RAP1B: variants seen among roughly 807,000 people sequenced by gnomAD.
RAP1B encodes the protein RAP1B, member of RAS oncogene family, also known as ras-related protein Rap-1b.
RAP1B carries 1 observed loss-of-function variant against 27.5 expected under a neutral mutation model. The ratio of observed to expected loss-of-function variants is 0.04; its 90% CI spans 0.01 to 0.17. The LOEUF (loss-of-function observed/expected upper bound fraction) is 0.17. RAP1B is among the 10% of genes least tolerant of loss of function. The pLI is 1.00. For synonymous variants in RAP1B, 75 were observed against 73.1 expected, an observed-to-expected ratio of 1.03 and a Z score of -0.13; for missense variants, 84 against 214.8, an observed-to-expected ratio of 0.39 and a Z score of 3.81.
chr12:68,630,319 G>A (rs1872141864), intron 1 of RAP1B, among the ~76,000 whole-genome samples: 1 of 152,130 alleles, frequency 6.6e-6, no homozygotes, highest in Admixed American at 6.5e-5. Context: ...TGCTATTGTA[G>A]CCTGAAGCCA....
At chr12:68,650,610 C>A in intron 3 of RAP1B, 142 bp downstream of exon 3, 2 of 755,750 alleles carry the variant, frequency 2.6e-6, no homozygotes, top group Non-Finnish European at 3.8e-6. Context: ...CACTTTCTGG[C>A]ATTGCATAGT....
In RAP1B at chr12:68,610,911, C is replaced by G. The variant is rs1469691647; in HGVS notation, c.-159C>G. 3.3e-6 allele frequency: 1 copy of G among 302,228 alleles called. No homozygotes were observed. The highest frequency in any genetic ancestry group is 6.1e-6 in the Non-Finnish European group (1 of 163,368). 18.7% of individuals were successfully genotyped at this position (302,228 alleles called of 1,614,324 possible). A position where few individuals can be genotyped will look rare whatever the true frequency, so the allele number is the denominator to read the frequency against. On this transcript the variant is annotated 5_prime_UTR_variant, in exon 1 of 8. Transcript: ENST00000250559. Reference sequence around the variant, plus strand: ...CTGACGTCAAGGCGACATCGCCAAACCTCGCCCAGATTCAGGCGTGTAAAC... The same window carrying G: ...CTGACGTCAAGGCGACATCGCCAAAGCTCGCCCAGATTCAGGCGTGTAAAC...
chr12:68,647,257 G>A (rs1421142742), intron 1 of RAP1B, among the ~76,000 whole-genome samples: 2 of 151,720 alleles, frequency 1.3e-5, no homozygotes, highest in African/African-American at 2.4e-5. Context: ...TTTTGAAGCC[G>A]GGTGTGGTGG....
chr12:68,663,994 A>G lies in RAP1B; in HGVS notation c.*4745A>G, dbSNP rs1436452236. 6.6e-6 allele frequency: 1 copy of G among 152,132 alleles called. No individual in the cohort carries two copies. The highest frequency in any genetic ancestry group is 2.4e-5 in the African/African-American group (1 of 41,428). The allele number at this position is 152,132 out of a possible 1,614,324, so 9.4% of individuals were successfully genotyped here. On this transcript the variant is annotated 3_prime_UTR_variant, in exon 8 of 8. Transcript: ENST00000250559. ...AAATTTTTTTATTCATAGGTAATCT[A>G]ATTTTTCTCATTTCTCCAAAAGGGT...
chr12:68,634,782 T>C (rs1007796403), intron 1 of RAP1B, among the ~76,000 whole-genome samples: 3 of 152,204 alleles, frequency 2.0e-5, no homozygotes, highest in Non-Finnish European at 4.4e-5. Flanking sequence ...AAGGTAACTA[T>C]AGAAATAAAG....
intron 1 of RAP1B, among the ~76,000 whole-genome samples, chr12:68,639,786 T>C (rs1265890097): frequency 6.6e-6 from 1 of 151,772 alleles, no homozygotes; most frequent in African/African-American, 2.4e-5. Flanking sequence ...CTGGATTGAC[T>C]CCCAAATCCA....
At chr12:68,656,852 A>G (rs1002923557) in intron 6 of RAP1B, among the ~76,000 whole-genome samples, 2 of 152,222 alleles carry the variant, frequency 1.3e-5, no homozygotes, top group African/African-American at 2.4e-5. Context: ...GTGATGGTAA[A>G]TGTTCTAATT....
chr12:68,630,538 A>G (rs1010224332), intron 1 of RAP1B, among the ~76,000 whole-genome samples: 5 of 152,232 alleles, frequency 3.3e-5, no homozygotes, highest in African/African-American at 7.2e-5. Flanking sequence ...GGTGTCTTCC[A>G]TATTCCAGGC....
intron 1 of RAP1B, chr12:68,643,040 G>A (rs1873134840): frequency 5.5e-6 from 4 of 722,286 alleles, no homozygotes; most frequent in East Asian, 4.9e-5. Context: ...CACTGCAGCC[G>A]CCTTTAACTT....
At chr12:68,652,125 GAC>G in intron 4 of RAP1B, 74 bp downstream of exon 4, 4 of 1,141,386 alleles carry the variant, frequency 3.5e-6, no homozygotes, top group Middle Eastern at 2.0e-4. Context: ...GTACTCTATA[GAC>G]AAATATTAGT....
intron 1 of RAP1B, chr12:68,626,895 T>C (rs1871827305): frequency 6.4e-7 from 1 of 1,574,670 alleles, no homozygotes; most frequent in Admixed American, 1.7e-5. Flanking sequence ...CCGCCACTTG[T>C]CCACAGGGCC....
chr12:68,630,932 G>T lies in RAP1B; in HGVS notation c.-26-17767G>T, dbSNP rs543041434. ...CAACCACCGCATCCAGCCTGAATTTGTTTTTTTTTTCATGTACTTTGGCAG... is the reference window on the plus strand; with the variant it reads ...CAACCACCGCATCCAGCCTGAATTTTTTTTTTTTTTCATGTACTTTGGCAG... On this transcript the variant is annotated intron_variant, in intron 1 of 7. Coordinates refer to ENST00000250559, the MANE Select transcript of RAP1B (RefSeq NM_001010942.3). 5.5e-5 allele frequency among the ~76,000 whole-genome samples: 8 copies of T among 146,580 alleles called. No homozygotes were observed. The East Asian group carries it at 1.0e-3, about 18-fold the overall frequency.
chr12:68,643,507 ATC>A (rs1410992825), intron 1 of RAP1B, among the ~76,000 whole-genome samples: 6 of 152,334 alleles, frequency 3.9e-5, no homozygotes, highest in African/African-American at 1.2e-4. Flanking sequence ...GTAGTTAAGC[ATC>A]TCTTAGTCCT....
At chr12:68,615,171 A>G (rs894045845) in intron 1 of RAP1B, among the ~76,000 whole-genome samples, 1 of 152,208 alleles carries the variant, frequency 6.6e-6, no homozygotes, top group Non-Finnish European at 1.5e-5. Context: ...TGGTCAAATC[A>G]AGGGTACAGT....
chr12:68,613,050 T>C (rs926641305), intron 1 of RAP1B, among the ~76,000 whole-genome samples: 1 of 152,146 alleles, frequency 6.6e-6, no homozygotes, highest in Non-Finnish European at 1.5e-5. Context: ...AAATGTTGTA[T>C]GGGGCATGAA....
At chr12:68,624,752 T>C (rs946899364) in intron 1 of RAP1B, 1 of 152,362 alleles carries the variant, frequency 6.6e-6, no homozygotes, top group African/African-American at 2.4e-5. Context: ...CAGGCAGAAC[T>C]TGCAGTGAGC....
At chr12:68,614,211 T>C (rs776839993) in intron 1 of RAP1B, among the ~76,000 whole-genome samples, 7 of 152,230 alleles carry the variant, frequency 4.6e-5, no homozygotes, top group Non-Finnish European at 7.3e-5. Context: ...ATTGAGGTAG[T>C]GAAACTAATC....
At chr12:68,635,175 G>A (rs182131587) in intron 1 of RAP1B, among the ~76,000 whole-genome samples, 17 of 152,190 alleles carry the variant, frequency 1.1e-4, no homozygotes, top group African/African-American at 2.9e-4. Context: ...CTTGTTAGAA[G>A]TTTTATTTTT....
chr12:68,615,904 G>C (rs926040425), intron 1 of RAP1B, among the ~76,000 whole-genome samples: 10 of 151,684 alleles, frequency 6.6e-5, no homozygotes, highest in Non-Finnish European at 1.3e-4. Flanking sequence ...GTTTTTAACT[G>C]TTGTGCAGAT....
Sources: allele counts gnomAD v4.1 joint callset (sites outside exome capture counted in the v4.1 genomes callset), GRCh38; gene constraint gnomAD v4.1.1; transcripts MANE v1.5; gene names NCBI Gene and HGNC (gene_info 2026-07-23, HGNC 2026-07-21).